Variants in PRKCA observed in about 807,000 individuals in gnomAD.
PRKCA encodes the protein protein kinase C alpha type.
Under a neutral mutation model 87.0 loss-of-function variants are expected in PRKCA, and 27 were observed. The observed-to-expected ratio is 0.31, with a 90% CI of 0.23 to 0.43. The LOEUF (loss-of-function observed/expected upper bound fraction) is 0.43. PRKCA is among the 20% of genes least tolerant of loss of function. The pLI is 1.00. For synonymous variants in PRKCA, 329 were observed against 311.1 expected, an observed-to-expected ratio of 1.06 and a Z score of -0.61; for missense variants, 518 against 852.3, an observed-to-expected ratio of 0.61 and a Z score of 4.88.
intron 2 of PRKCA, among the ~76,000 whole-genome samples, chr17:66,488,435 C>A (rs1916081469): frequency 6.6e-6 from 1 of 152,162 alleles, no homozygotes; most frequent in Non-Finnish European, 1.5e-5. Flanking sequence ...CTCTCAGTTT[C>A]ATCATAAGGC....
intron 8 of PRKCA, among the ~76,000 whole-genome samples, chr17:66,695,467 G>A (rs1005542700): frequency 2.6e-5 from 4 of 152,208 alleles, no homozygotes; most frequent in Admixed American, 2.0e-4. Flanking sequence ...TCCATGTGCT[G>A]TTAACAGTTA....
rs780597291 is a variant in PRKCA at position 66,423,788 on chromosome 17, C to T, written c.206-72413C>T. 3.1e-4 allele frequency among the ~76,000 whole-genome samples: 47 copies of T among 150,780 alleles called. 1 individual carries two copies. Among genetic ancestry groups the T allele is most frequent in the Middle Eastern group, 3.4e-3 (1 of 294 alleles). ...CTTTGCATGGATAACTCTAATTAGT[C>T]TGGGAGCGCTTCCCTGGAGCCGAAT... On this transcript the variant is annotated intron_variant, in intron 2 of 16. Coordinates refer to ENST00000413366, the MANE Select transcript of PRKCA (RefSeq NM_002737.3).
In PRKCA at chr17:66,518,209, C is replaced by T. The variant is rs1476228148; in HGVS notation, c.288+21926C>T. ...CATTGTTTGGTGTTTCATTTAATTTCCACCTCATCCACCAGAGAAAAGCAA... is the reference window on the plus strand; with the variant it reads ...CATTGTTTGGTGTTTCATTTAATTTTCACCTCATCCACCAGAGAAAAGCAA... On this transcript the variant is annotated intron_variant, in intron 3 of 16. Coordinates refer to ENST00000413366, the MANE Select transcript of PRKCA (RefSeq NM_002737.3). Among the ~76,000 whole-genome samples, 3 of 152,136 alleles carry T rather than the reference C, an allele frequency of 2.0e-5. 1 individual carries two copies. The East Asian group carries it at 5.8e-4, about 29-fold the overall frequency.
intron 2 of PRKCA, among the ~76,000 whole-genome samples, chr17:66,463,560 T>TA (rs1257482307): frequency 1.3e-5 from 2 of 152,036 alleles, no homozygotes; most frequent in African/African-American, 2.4e-5. Flanking sequence ...CATGCCCAGC[T>TA]AATTTTTTGT....
intron 3 of PRKCA, among the ~76,000 whole-genome samples, chr17:66,638,749 G>A (rs1327622546): frequency 6.6e-6 from 1 of 152,066 alleles, no homozygotes; most frequent in Non-Finnish European, 1.5e-5. Flanking sequence ...TCGGGGGGCT[G>A]AGGCAGGAGA....
At chr17:66,344,993 G>T (rs1275274852) in intron 2 of PRKCA, among the ~76,000 whole-genome samples, 2 of 152,124 alleles carry the variant, frequency 1.3e-5, no homozygotes, top group African/African-American at 4.8e-5. Context: ...TATACCTATT[G>T]CAGTATGATC....
chr17:66,719,056 C>A (rs1040326596), intron 8 of PRKCA, among the ~76,000 whole-genome samples: 1 of 152,024 alleles, frequency 6.6e-6, no homozygotes, highest in Non-Finnish European at 1.5e-5. Context: ...TTGTGACCTC[C>A]CCAAAAAGGT....
At chr17:66,304,487 C>T (rs1904692472) in intron 1 of PRKCA, among the ~76,000 whole-genome samples, 1 of 152,106 alleles carries the variant, frequency 6.6e-6, no homozygotes, top group African/African-American at 2.4e-5. Context: ...TTCTTAGCTC[C>T]CTCTCCTTCT....
At chr17:66,678,921 G>T (rs1050567921) in intron 5 of PRKCA, among the ~76,000 whole-genome samples, 2 of 152,088 alleles carry the variant, frequency 1.3e-5, no homozygotes, top group Non-Finnish European at 2.9e-5. Flanking sequence ...TGTGCTGTTT[G>T]TCCTAGAATT....
chr17:66,656,567 A>G (rs941626937), intron 5 of PRKCA, among the ~76,000 whole-genome samples: 1 of 152,222 alleles, frequency 6.6e-6, no homozygotes, highest in African/African-American at 2.4e-5. Context: ...CAAGTGAGAA[A>G]TCTCTTAGAA....
intron 13 of PRKCA, among the ~76,000 whole-genome samples, chr17:66,770,439 C>A (rs1432934525): frequency 6.6e-6 from 1 of 152,124 alleles, no homozygotes; most frequent in African/African-American, 2.4e-5. Flanking sequence ...TATAGCAGTT[C>A]TGTGTTTTCT....
At chr17:66,588,545 G>A (rs1329080402) in intron 3 of PRKCA, among the ~76,000 whole-genome samples, 1 of 147,678 alleles carries the variant, frequency 6.8e-6, no homozygotes, top group Non-Finnish European at 1.5e-5. Flanking sequence ...TTGGTGGTGT[G>A]TTAAACTAAT....
chr17:66,591,791 T>C (rs767681689), intron 3 of PRKCA, among the ~76,000 whole-genome samples: 2 of 152,128 alleles, frequency 1.3e-5, no homozygotes, highest in Non-Finnish European at 2.9e-5. Context: ...GGTCATCCTA[T>C]TGCTGCACTA....
chr17:66,459,438 C>T (rs910022967), intron 2 of PRKCA, among the ~76,000 whole-genome samples: 3 of 152,140 alleles, frequency 2.0e-5, no homozygotes, highest in African/African-American at 4.8e-5. Context: ...TCTCTACCTC[C>T]GTTGAAGAAG....
At chr17:66,604,107 T>C (rs565754038) in intron 3 of PRKCA, among the ~76,000 whole-genome samples, 6 of 152,282 alleles carry the variant, frequency 3.9e-5, no homozygotes, top group African/African-American at 1.4e-4. Context: ...CTCTCCTTGG[T>C]GATCGCCTCT....
chr17:66,596,195 T>G (rs77321899), intron 3 of PRKCA, among the ~76,000 whole-genome samples: 3,104 of 152,306 alleles, frequency 0.02, 119 homozygotes, highest in African/African-American at 0.07. Context: ...TTGATAAACG[T>G]TATTATACTT....
chr17:66,640,931 C>T, intron 3 of PRKCA: 2 of 390,586 alleles, frequency 5.1e-6, no homozygotes, highest in Non-Finnish European at 1.0e-5. Flanking sequence ...GAGGCCAAGG[C>T]TGGTGCATCA....
chr17:66,736,593 T>C (rs1974034896), intron 10 of PRKCA, among the ~76,000 whole-genome samples: 1 of 152,244 alleles, frequency 6.6e-6, no homozygotes, highest in Non-Finnish European at 1.5e-5. Context: ...CTTGGCTTTT[T>C]AAGACCACTG....
At chr17:66,369,755 A>C (rs532871351) in intron 2 of PRKCA, among the ~76,000 whole-genome samples, 10 of 152,268 alleles carry the variant, frequency 6.6e-5, no homozygotes, top group Admixed American at 6.5e-4. Context: ...GGGCTTCTCC[A>C]TCCTCCATCT....
Sources: allele counts gnomAD v4.1 joint callset (sites outside exome capture counted in the v4.1 genomes callset), GRCh38; gene constraint gnomAD v4.1.1; transcripts MANE v1.5; gene names NCBI Gene and HGNC (gene_info 2026-07-23, HGNC 2026-07-21).